Variants in NBEA observed in about 807,000 individuals in gnomAD.
The protein encoded by NBEA is lysosomal-trafficking regulator 2.
Under a neutral mutation model 343.4 loss-of-function variants are expected in NBEA, and 44 were observed. The observed-to-expected ratio is 0.13, with a 90% CI of 0.10 to 0.16. The LOEUF is 0.16. NBEA is among the 10% of genes least tolerant of loss of function. The pLI is 1.00. For missense variants in NBEA, 2,555 were observed against 3,631.3 expected (o/e 0.70, Z 7.62); for synonymous variants, 1,175 against 1,238.7 (o/e 0.95, Z 1.08).
At chr13:35,049,223 C>T (rs1366803135) in intron 5 of NBEA, among the ~76,000 whole-genome samples, 1 of 151,804 alleles carries the variant, frequency 6.6e-6, no homozygotes, top group African/African-American at 2.4e-5. Context: ...GCCAGTAATA[C>T]ACAGTACAGC....
At chr13:35,642,682 C>T (rs1309534412) in intron 49 of NBEA, among the ~76,000 whole-genome samples, 2 of 152,160 alleles carry the variant, frequency 1.3e-5, no homozygotes, top group Admixed American at 6.5e-5. Flanking sequence ...GGCAGTTGTG[C>T]AGGAATGCTG....
At chr13:35,538,542 G>A (rs890471791) in intron 41 of NBEA, among the ~76,000 whole-genome samples, 2 of 152,176 alleles carry the variant, frequency 1.3e-5, no homozygotes, top group Admixed American at 6.5e-5. Flanking sequence ...TAACTAAGCG[G>A]CACAGCAGCA....
chr13:35,195,927 T>C lies in NBEA; in HGVS notation c.4991T>C (p.Ile1664Thr), dbSNP rs1175332766. 3.1e-6 allele frequency: 5 copies of C among 1,613,290 alleles called. No individual in the cohort carries two copies. The highest frequency in any genetic ancestry group is 1.7e-4 in the Middle Eastern group (1 of 6,056). Residue 1664 changes from isoleucine to threonine, a missense_variant, in exon 31 of 59, where the codon ATT (isoleucine) becomes ACT (threonine). Ile to Thr is a moderately conservative substitution (Grantham distance 89). Transcript: ENST00000379939. ...EKETPTPGEDIQVESSIPHTD... is the reference protein window; with the variant it reads ...EKETPTPGEDTQVESSIPHTD... Reference sequence around the variant, plus strand: ...GAAACACCAACTCCTGGTGAAGATATTCAGGTAGAAAGTTCAATTCCCCAT... The same window carrying C: ...GAAACACCAACTCCTGGTGAAGATACTCAGGTAGAAAGTTCAATTCCCCAT...
intron 41 of NBEA, among the ~76,000 whole-genome samples, chr13:35,505,732 A>C (rs114864522): frequency 6.6e-6 from 1 of 152,194 alleles, no homozygotes; most frequent in Non-Finnish European, 1.5e-5. Context: ...TATGAGAGGT[A>C]TCCATGAGTT....
At chr13:35,467,286 A>G (rs1183041314) in intron 40 of NBEA, among the ~76,000 whole-genome samples, 4 of 152,102 alleles carry the variant, frequency 2.6e-5, no homozygotes, top group Non-Finnish European at 5.9e-5. Context: ...AGCCTGGCCA[A>G]CATGGTGAAA....
At chr13:35,638,257 G>A (rs2083787050) in intron 49 of NBEA, among the ~76,000 whole-genome samples, 1 of 152,198 alleles carries the variant, frequency 6.6e-6, no homozygotes, top group South Asian at 2.1e-4. Flanking sequence ...TAAATTTTGT[G>A]TTATATATAT....
intron 34 of NBEA, among the ~76,000 whole-genome samples, chr13:35,243,962 A>G (rs886177824): frequency 6.6e-6 from 1 of 151,958 alleles, no homozygotes; most frequent in Admixed American, 6.6e-5. Flanking sequence ...TAAAATGCAT[A>G]TGGAGCATCC....
intron 38 of NBEA, among the ~76,000 whole-genome samples, chr13:35,421,699 C>G (rs1284505274): frequency 6.6e-6 from 1 of 152,060 alleles, no homozygotes; most frequent in African/African-American, 2.4e-5. Flanking sequence ...TTCTTTTAGA[C>G]TAGCTCTGAT....
At chr13:35,408,302 A>G (rs1417549331) in intron 38 of NBEA, among the ~76,000 whole-genome samples, 1 of 152,218 alleles carries the variant, frequency 6.6e-6, no homozygotes, top group Non-Finnish European at 1.5e-5. Flanking sequence ...ATAAGTGGCT[A>G]GCCATATGCA....
At chr13:34,965,785 G>A (rs1407470936) in intron 1 of NBEA, among the ~76,000 whole-genome samples, 2 of 151,952 alleles carry the variant, frequency 1.3e-5, no homozygotes, top group East Asian at 1.9e-4. Flanking sequence ...TTAAGGTAAT[G>A]CATTAAATGT....
intron 41 of NBEA, among the ~76,000 whole-genome samples, chr13:35,491,763 T>C (rs1054484544): frequency 6.6e-6 from 1 of 151,886 alleles, no homozygotes; most frequent in Non-Finnish European, 1.5e-5. Context: ...AGCTTCTCAC[T>C]AATATTCCTC....
intron 1 of NBEA, among the ~76,000 whole-genome samples, chr13:34,987,939 C>T (rs1233668425): frequency 1.3e-5 from 2 of 150,798 alleles, no homozygotes; most frequent in African/African-American, 4.8e-5. Context: ...TGGGTTTGAA[C>T]ATCCTCCTTT....
At chr13:35,649,964 G>C in intron 52 of NBEA, 117 bp downstream of exon 52, 1 of 1,032,954 alleles carries the variant, frequency 9.7e-7, no homozygotes, top group Non-Finnish European at 1.4e-6. Context: ...AAAAACAGCA[G>C]ACTAAATAAA....
At chr13:35,164,213 A>G (rs767602305) in intron 23 of NBEA, 143 bp from the exon 24 acceptor site, 3 of 709,100 alleles carry the variant, frequency 4.2e-6, no homozygotes, top group Non-Finnish European at 4.3e-6. Flanking sequence ...TGATATCTCA[A>G]TTATAAATTG....
At chr13:35,264,043 G>A (rs543117345) in intron 34 of NBEA, among the ~76,000 whole-genome samples, 1 of 148,154 alleles carries the variant, frequency 6.7e-6, no homozygotes, top group East Asian at 2.0e-4. Context: ...AAAAAGAGAA[G>A]ACTCAAATAA....
At position 35,173,603 on chromosome 13, in the gene NBEA, A is replaced by G. The variant is rs1421650382; in HGVS notation, c.4554+9A>G. ...CTACAGCAGCTTCGAAGGTAAGTAA[A>G]CTTTTTTTCTTGGCCAAATATAATT... On this transcript the variant is annotated intron_variant, in intron 27 of 58. Transcript: ENST00000379939. The G allele has an allele frequency of 1.3e-6, 2 of 1,588,926 alleles. No homozygotes were observed. Among genetic ancestry groups the G allele is most frequent in the Admixed American group, 3.7e-5 (2 of 54,506 alleles).
chr13:35,165,954 G>A (rs950238550), intron 24 of NBEA, among the ~76,000 whole-genome samples: 4 of 151,854 alleles, frequency 2.6e-5, no homozygotes, highest in African/African-American at 9.7e-5. Context: ...CAAAGTGCAG[G>A]GATTACAGGC....
At chr13:35,596,834 G>A (rs959052971) in intron 47 of NBEA, among the ~76,000 whole-genome samples, 2 of 151,712 alleles carry the variant, frequency 1.3e-5, no homozygotes, top group East Asian at 1.9e-4. Context: ...GGAGGTGCTC[G>A]CCACTGACTC....
At chr13:35,294,036 A>G (rs767419663) in intron 35 of NBEA, among the ~76,000 whole-genome samples, 1 of 152,224 alleles carries the variant, frequency 6.6e-6, no homozygotes, top group South Asian at 2.1e-4. Flanking sequence ...TGTATAAGTA[A>G]TATAAAGTAA....
Sources: allele counts gnomAD v4.1 joint callset (sites outside exome capture counted in the v4.1 genomes callset), GRCh38; gene constraint gnomAD v4.1.1; transcripts MANE v1.5; gene names NCBI Gene and HGNC (gene_info 2026-07-23, HGNC 2026-07-21).